Variants in CTNNA2 observed in about 807,000 individuals in gnomAD.
The protein encoded by CTNNA2 is catenin alpha-2.
Under a neutral mutation model 101.0 loss-of-function variants are expected in CTNNA2, and 42 were observed. That is an observed-to-expected ratio of 0.42 (90% CI 0.32 to 0.54). CTNNA2 has a LOEUF of 0.54. CTNNA2 is among the 20% of genes least tolerant of loss of function. The pLI, the probability that CTNNA2 is intolerant of heterozygous loss-of-function variation, is 0.14. For missense variants in CTNNA2, 871 were observed against 1,223.1 expected (o/e 0.71, Z 4.29); for synonymous variants, 450 against 456.4 (o/e 0.99, Z 0.18).
chr2:80,006,376 A>G (rs1693351887), intron 7 of CTNNA2, among the ~76,000 whole-genome samples: 1 of 148,508 alleles, frequency 6.7e-6, no homozygotes, highest in South Asian at 2.2e-4. Flanking sequence ...AAAAAAAAAG[A>G]AAAAACAAAA....
At chr2:79,608,938 G>A (rs750526485) in intron 1 of CTNNA2, among the ~76,000 whole-genome samples, 24 of 152,028 alleles carry the variant, frequency 1.6e-4, no homozygotes, top group Non-Finnish European at 1.5e-4. Context: ...TATGTAGATT[G>A]GAAAGCATAC....
intron 7 of CTNNA2, among the ~76,000 whole-genome samples, chr2:79,935,883 A>G (rs1031659736): frequency 6.6e-6 from 1 of 152,102 alleles, no homozygotes; most frequent in Non-Finnish European, 1.5e-5. Flanking sequence ...CCAGTTGTTG[A>G]AATCAAAATT....
intron 1 of CTNNA2, among the ~76,000 whole-genome samples, chr2:79,559,353 G>T (rs1336789230): frequency 6.6e-6 from 1 of 151,772 alleles, no homozygotes; most frequent in Non-Finnish European, 1.5e-5. Context: ...GTTTATGATT[G>T]GGTAGATGTG....
At chr2:80,485,227 T>C (rs1686477310) in intron 9 of CTNNA2, among the ~76,000 whole-genome samples, 1 of 152,134 alleles carries the variant, frequency 6.6e-6, no homozygotes, top group Non-Finnish European at 1.5e-5. Context: ...GAAACTTTGA[T>C]CAGAATATTT....
chr2:79,506,526 A>G (rs1224803599), intron 5 of CTNNA2, among the ~76,000 whole-genome samples: 1 of 152,178 alleles, frequency 6.6e-6, no homozygotes, highest in Non-Finnish European at 1.5e-5. Flanking sequence ...CAGAACCTCA[A>G]AATTAGAGGT....
chr2:79,796,390 G>T (rs1675698839), intron 3 of CTNNA2, among the ~76,000 whole-genome samples: 1 of 100,166 alleles, frequency 1.0e-5, no homozygotes, highest in Non-Finnish European at 1.7e-5. Context: ...GCGAGACTCC[G>T]TCTCAAAAAA....
chr2:79,863,473 A>T (rs1021920266), intron 4 of CTNNA2, among the ~76,000 whole-genome samples: 8 of 152,182 alleles, frequency 5.3e-5, no homozygotes, highest in African/African-American at 1.9e-4. Flanking sequence ...CTCAAGTCCA[A>T]GCTGGGGGCT....
At chr2:80,125,277 G>A (rs1041587857) in intron 7 of CTNNA2, among the ~76,000 whole-genome samples, 9 of 152,166 alleles carry the variant, frequency 5.9e-5, no homozygotes, top group Admixed American at 2.0e-4. Context: ...CACAGGCTCC[G>A]GCTCTCAAGT....
At chr2:79,261,824 A>G (rs1021943262) in intron 2 of CTNNA2, among the ~76,000 whole-genome samples, 2 of 152,256 alleles carry the variant, frequency 1.3e-5, no homozygotes, top group African/African-American at 4.8e-5. Flanking sequence ...ATAACAATTA[A>G]CAAAAGGTGA....
chr2:79,370,354 A>C (rs924799207), intron 3 of CTNNA2, among the ~76,000 whole-genome samples: 2 of 152,226 alleles, frequency 1.3e-5, no homozygotes, highest in Non-Finnish European at 2.9e-5. Context: ...AGAGTGGATG[A>C]ATGATAGAAC....
At chr2:79,727,503 A>G (rs79494936) in intron 2 of CTNNA2, among the ~76,000 whole-genome samples, 105 of 152,310 alleles carry the variant, frequency 6.9e-4, no homozygotes, top group African/African-American at 2.3e-3. Context: ...GAAAATCAAT[A>G]CTATCCCATT....
chr2:79,531,550 A>G (rs1672744167), intron 1 of CTNNA2, among the ~76,000 whole-genome samples: 1 of 152,174 alleles, frequency 6.6e-6, no homozygotes. Flanking sequence ...GCAATAATAC[A>G]CAGCAGGGTG....
rs535480881 is a variant in CTNNA2, at chr2:79,228,723, T to G, written c.-406+30647T>G. 2.0e-5 allele frequency among the ~76,000 whole-genome samples: 3 copies of G among 152,218 alleles called. No homozygotes were observed. The East Asian group carries it at 5.8e-4, about 29-fold the overall frequency. ...CTGTCTGTTTACTCTGTTGATGCTT[T>G]TTTTTTTGCTGGGCAGAAGCTCTTT... On this transcript the variant is annotated intron_variant, in intron 2 of 21. Coordinates refer to the CTNNA2 transcript ENST00000466387.
intron 2 of CTNNA2, among the ~76,000 whole-genome samples, chr2:79,656,123 A>G (rs1215391447): frequency 6.6e-6 from 1 of 152,124 alleles, no homozygotes; most frequent in African/African-American, 2.4e-5. Context: ...GAATTTTAAG[A>G]TGGGATTTTC....
At chr2:80,404,769 A>G (rs555521525) in intron 8 of CTNNA2, among the ~76,000 whole-genome samples, 4 of 152,280 alleles carry the variant, frequency 2.6e-5, no homozygotes, top group South Asian at 2.1e-4. Flanking sequence ...AGCTTTAAAG[A>G]TGGGAGCTAA....
At chr2:79,787,861 C>T (rs145239966) in intron 3 of CTNNA2, among the ~76,000 whole-genome samples, 14 of 152,130 alleles carry the variant, frequency 9.2e-5, no homozygotes, top group African/African-American at 3.4e-4. Context: ...TTCCCCTCTC[C>T]AGACCTATAG....
chr2:80,552,483 A>G (rs1692655190), intron 11 of CTNNA2, among the ~76,000 whole-genome samples: 1 of 152,228 alleles, frequency 6.6e-6, no homozygotes. Context: ...TATCATGAAG[A>G]AACTGTGACT....
intron 7 of CTNNA2, among the ~76,000 whole-genome samples, chr2:80,300,281 G>GGGGGGTGTGT (rs1353283390): frequency 1.1e-5 from 1 of 93,108 alleles, no homozygotes; most frequent in Non-Finnish European, 2.2e-5. Context: ...GGGGTGTTGG[G>GGGGGGTGTGT]GTGTGTGTGT....
chr2:80,258,457 G>T (rs1672341190), intron 7 of CTNNA2, among the ~76,000 whole-genome samples: 1 of 152,170 alleles, frequency 6.6e-6, no homozygotes, highest in Admixed American at 6.5e-5. Context: ...GTGCAAAGTA[G>T]AAGCTTTATT....
Sources: gnomAD v4.1 joint callset for allele counts (sites outside exome capture counted in the v4.1 genomes callset) on GRCh38, gnomAD v4.1.1 for gene constraint, MANE v1.5 for transcripts, NCBI Gene and HGNC (gene_info 2026-07-23, HGNC 2026-07-21) for gene names.